RGP1: variants seen among roughly 807,000 people sequenced by gnomAD.
RGP1 encodes RAB6A-GEF complex partner protein 2.
RGP1 carries 28 observed loss-of-function variants against 44.5 expected under a neutral mutation model. That is an observed-to-expected ratio of 0.63 (90% confidence interval 0.47 to 0.86). The LOEUF (loss-of-function observed/expected upper bound fraction) is 0.86. Ranked by LOEUF, RGP1 falls within the 40% of genes least tolerant of loss-of-function variation. RGP1 has a pLI of 0.00. For synonymous variants in RGP1, 212 were observed against 196.7 expected (o/e 1.08, Z -0.65); for missense variants, 417 against 490.7 (o/e 0.85, Z 1.42).
chr9:35,753,424 CA>C lies in RGP1; in HGVS notation c.*551del, dbSNP rs761903334. On this transcript the variant is annotated 3_prime_UTR_variant, in exon 9 of 9. Coordinates refer to ENST00000378078, the MANE Select transcript of RGP1 (RefSeq NM_001080496.3). The surrounding 1 kb of genome is among the most constrained non-coding windows in gnomAD (Gnocchi z 4.2). ...TCCTCCTAACTAAGCTGTCACCTAC[CA>C]TATGTGGGCCTTTTTGTTTTATAAC... is the stretch of plus-strand genomic sequence containing the variant. 937 of 899,894 alleles carry C rather than the reference CA, an allele frequency of 1.0e-3. 1 individual carries two copies. Among genetic ancestry groups the C allele is most frequent in the Middle Eastern group, 1.5e-3 (5 of 3,306 alleles). The allele number at this position is 899,894 out of a possible 1,614,324, so 55.7% of individuals were successfully genotyped here.
the RGP1 span, among the ~76,000 whole-genome samples, chr9:35,775,143 C>T: frequency 2.6e-5 from 4 of 152,068 alleles, no homozygotes; most frequent in Non-Finnish European, 5.9e-5. Flanking sequence ...GGTCTTTGCC[C>T]TCAGTGCAGT....
Position 35,749,711 on chromosome 9 carries a change from C to A in RGP1, c.-19-26C>A. The stretch of plus-strand genomic sequence containing the variant: ...CGCCCCTCCCTGTCAAGGTGCTGAC[C>A]TCCGCCCCGCCTTGTTTCCTTCTAG... On this transcript the variant is annotated intron_variant, in intron 1 of 8. Transcript: ENST00000378078. The surrounding 1 kb of genome is among the most constrained non-coding windows in gnomAD (Gnocchi z 4.4). 1 of 1,440,468 alleles carries A rather than the reference C, an allele frequency of 6.9e-7. No individual in the cohort carries two copies. Among genetic ancestry groups the A allele is most frequent in the African/African-American group, 1.4e-5 (1 of 71,278 alleles). 89.2% of individuals were successfully genotyped at this position (1,440,468 alleles called of 1,614,324 possible). A position where few individuals can be genotyped will look rare whatever the true frequency, so the allele number is the denominator to read the frequency against.
At position 35,753,634 on chromosome 9, in the gene RGP1, C is replaced by T. The variant is rs769494137; in HGVS notation, c.*760C>T. On this transcript the variant is annotated 3_prime_UTR_variant, in exon 9 of 9. Transcript: ENST00000378078. The surrounding 1 kb of genome is among the most constrained non-coding windows in gnomAD (Gnocchi z 4.2). ...CTCAGTCACTCATATCAGAGTCATT[C>T]TCTCTGGCCATCTTTGGTCACTCAC... The T allele has an allele frequency of 3.3e-5, 51 of 1,569,138 alleles. No homozygotes were observed. The highest frequency in any genetic ancestry group is 4.2e-5 in the Non-Finnish European group (48 of 1,140,650).
the RGP1 span, among the ~76,000 whole-genome samples, chr9:35,786,369 G>A: frequency 2.0e-5 from 3 of 152,234 alleles, no homozygotes; most frequent in African/African-American, 4.8e-5. Flanking sequence ...TCATGCTATC[G>A]GATGCTCCCA....
In RGP1 at chr9:35,750,380, G is replaced by T; in HGVS notation, c.253+1G>T. 3 of 1,613,898 alleles carry T rather than the reference G, an allele frequency of 1.9e-6. No homozygotes were observed. The highest frequency in any genetic ancestry group is 2.5e-6 in the Non-Finnish European group (3 of 1,179,840). The stretch of plus-strand genomic sequence containing the variant: ...CAGACTGTCTTTCTGCCACACCGAG[G>T]TTAGAGAGGGGCATTTGCCTGGGAG... On this transcript the variant is annotated splice_donor_variant, in intron 3 of 8. Coordinates refer to ENST00000378078, the MANE Select transcript of RGP1 (RefSeq NM_001080496.3). LOFTEE classifies it high-confidence loss of function.
chr9:35,772,049 T>G, the RGP1 span: 1 of 152,262 alleles, frequency 6.6e-6, no homozygotes, highest in South Asian at 2.1e-4. Context: ...CTTGGGGAGT[T>G]GTACTACACA....
downstream of RGP1, among the ~76,000 whole-genome samples, chr9:35,761,627 T>C (rs1175302720): frequency 6.6e-6 from 1 of 152,096 alleles, no homozygotes; most frequent in East Asian, 1.9e-4. Context: ...TGAGCCATGA[T>C]TGTGCCACTG....
chr9:35,751,537 A>G lies in RGP1; in HGVS notation c.635-90A>G, dbSNP rs911891358. The G allele has an allele frequency of 6.9e-6, 11 of 1,600,582 alleles. No homozygotes were observed. The Admixed American group carries it at 1.2e-4, about 17-fold the overall frequency. ...TGATACCTGACACCTCCAATTTTAA[A>G]GAAAAGCCCCATCTTTTGGCCTGTG... is the stretch of plus-strand genomic sequence containing the variant. On this transcript the variant is annotated intron_variant, in intron 6 of 8. Transcript: ENST00000378078.
intron 7 of RGP1, 100 bp downstream of exon 7, chr9:35,751,854 T>G: frequency 1.3e-6 from 2 of 1,581,146 alleles, no homozygotes; most frequent in African/African-American, 2.7e-5. Context: ...AAGGGGATAG[T>G]GGGGTCATCC....
chr9:35,775,436 A>C, the RGP1 span, among the ~76,000 whole-genome samples: 1 of 152,166 alleles, frequency 6.6e-6, no homozygotes, highest in African/African-American at 2.4e-5. Context: ...AGCTGGGGCC[A>C]AAGAGTGCCT....
chr9:35,768,048 G>T, the RGP1 span, among the ~76,000 whole-genome samples: 1 of 151,760 alleles, frequency 6.6e-6, no homozygotes, highest in Non-Finnish European at 1.5e-5. Flanking sequence ...TGATCTGCCC[G>T]CCTCAGCCTC....
the RGP1 span, among the ~76,000 whole-genome samples, chr9:35,773,050 A>G: frequency 6.6e-6 from 1 of 152,082 alleles, no homozygotes; most frequent in Non-Finnish European, 1.5e-5. Flanking sequence ...TGGTACCTTA[A>G]AAAAACCCAT....
rs200536208 is a variant in RGP1 at position 35,751,732 on chromosome 9, A to G, written c.740A>G (p.Glu247Gly). Residue 247 changes from glutamate (E) to glycine (G), a missense_variant, in exon 7 of 9, where the codon GAA becomes GGA. Transcript: ENST00000378078. ...EDVVGTLNLG[E>G]GTVACLQFSV... ...GTGGTGGGGACCTTAAACTTAGGGG[A>G]AGGAACCGTAGCTTGTTTGCAGGTA... is the stretch of plus-strand genomic sequence containing the variant. 6.2e-7 allele frequency: 1 copy of G among 1,613,870 alleles called. No individual in the cohort carries two copies. The highest frequency in any genetic ancestry group is 8.5e-7 in the Non-Finnish European group (1 of 1,179,858).
At chr9:35,769,908 AT>A in the RGP1 span, among the ~76,000 whole-genome samples, 1 of 152,184 alleles carries the variant, frequency 6.6e-6, no homozygotes, top group Non-Finnish European at 1.5e-5. Context: ...TAACTTAAAA[AT>A]TTTAATGTAG....
the RGP1 span, among the ~76,000 whole-genome samples, chr9:35,774,078 G>A: frequency 6.6e-6 from 1 of 152,186 alleles, no homozygotes; most frequent in Non-Finnish European, 1.5e-5. Flanking sequence ...TTTATTCTCT[G>A]ATGATAAATT....
At position 35,753,878 on chromosome 9, in the gene RGP1, G is replaced by C; in HGVS notation, c.*1004G>C. The C allele has an allele frequency of 6.5e-7, 1 of 1,540,060 alleles. No homozygotes were observed. Among genetic ancestry groups the C allele is most frequent in the East Asian group, 2.3e-5 (1 of 44,252 alleles). On this transcript the variant is annotated 3_prime_UTR_variant, in exon 9 of 9. Transcript: ENST00000378078. The surrounding 1 kb of genome is among the most constrained non-coding windows in gnomAD (Gnocchi z 4.2). ...TACGCACTATCCCCGTATTTAGTTT[G>C]TCTTTCCTGTTTCACAGCTGGAGGA...
rs1175673946 is a variant in RGP1 at position 35,756,050 on chromosome 9, C to A, written c.*3176C>A. The A allele has an allele frequency of 6.6e-6, 1 of 152,220 alleles. No individual in the cohort carries two copies. Among genetic ancestry groups the A allele is most frequent in the Non-Finnish European group, 1.5e-5 (1 of 68,064 alleles). The allele number at this position is 152,220 out of a possible 1,614,324, so 9.4% of individuals were successfully genotyped here. A position where few individuals can be genotyped will look rare whatever the true frequency, so the allele number is the denominator to read the frequency against. ...CACTTGGATTTGGATCCATTTCTTCCTATTTCCGCTCATGTGAACTCTCCA... is the reference window on the plus strand; with the variant it reads ...CACTTGGATTTGGATCCATTTCTTCATATTTCCGCTCATGTGAACTCTCCA... On this transcript the variant is annotated 3_prime_UTR_variant, in exon 9 of 9. Coordinates refer to ENST00000378078, the MANE Select transcript of RGP1 (RefSeq NM_001080496.3).
At chr9:35,750,416 CGGAGGGTGTGTGT>C in intron 3 of RGP1, 37 bp downstream of exon 3, 1 of 1,608,284 alleles carries the variant, frequency 6.2e-7, no homozygotes, top group Non-Finnish European at 8.5e-7. Flanking sequence ...AGGGGGGGTG[CGGAGGGTGTGTGT>C]GGAGGCATTG....
chr9:35,766,055 G>C, the RGP1 span, among the ~76,000 whole-genome samples: 61 of 148,126 alleles, frequency 4.1e-4, no homozygotes, highest in Middle Eastern at 3.5e-3. Flanking sequence ...GGATGATCTC[G>C]ATCTGACCTT....
Sources: allele counts gnomAD v4.1 joint callset (sites outside exome capture counted in the v4.1 genomes callset), GRCh38; gene constraint gnomAD v4.1.1; non-coding constraint Gnocchi (gnomAD v3.1); transcripts MANE v1.5; gene names NCBI Gene and HGNC (gene_info 2026-07-23, HGNC 2026-07-21).